Variants in PDZD2 observed in about 807,000 individuals in gnomAD.
The protein encoded by PDZD2 is PDZ domain-containing protein 2.
PDZD2 carries 90 observed loss-of-function variants against 220.7 expected under a neutral mutation model. The observed-to-expected ratio is 0.41, with a 90% CI of 0.34 to 0.49. PDZD2 has a LOEUF of 0.49. PDZD2 is among the 20% of genes least tolerant of loss of function. The pLI, the probability that PDZD2 is intolerant of heterozygous loss-of-function variation, is 0.28. For missense variants in PDZD2, 3,174 were observed against 3,608.5 expected (o/e 0.88, Z 3.08); for synonymous variants, 1,375 against 1,450.5 (o/e 0.95, Z 1.18).
intron 2 of PDZD2, among the ~76,000 whole-genome samples, chr5:31,870,029 A>G (rs1275923887): frequency 3.3e-5 from 5 of 152,190 alleles, no homozygotes; most frequent in African/African-American, 9.7e-5. Context: ...ACAGAAAGCC[A>G]CTGACCCTGC....
At chr5:31,774,113 C>T (rs1166724487) in intron 1 of PDZD2, among the ~76,000 whole-genome samples, 1 of 151,996 alleles carries the variant, frequency 6.6e-6, no homozygotes, top group Non-Finnish European at 1.5e-5. Context: ...GCCAGCTCAC[C>T]CCAGCCCTAA....
chr5:32,099,544 C>T (rs948058350), intron 23 of PDZD2: 1 of 152,244 alleles, frequency 6.6e-6, no homozygotes, highest in African/African-American at 2.4e-5. Flanking sequence ...ATTTCACTTT[C>T]CCTCTTCCAG....
intron 2 of PDZD2, among the ~76,000 whole-genome samples, chr5:31,947,655 A>T (rs542310712): frequency 5.3e-5 from 8 of 152,292 alleles, no homozygotes; most frequent in African/African-American, 1.7e-4. Flanking sequence ...AAAATTTTTT[A>T]AAAATGCAAA....
intron 3 of PDZD2, among the ~76,000 whole-genome samples, chr5:31,985,443 C>G (rs1229810482): frequency 1.3e-5 from 2 of 152,154 alleles, no homozygotes; most frequent in Non-Finnish European, 2.9e-5. Context: ...GCCTGTAATC[C>G]CAGCACTGTG....
chr5:31,776,378 G>A (rs1752644054), intron 1 of PDZD2, among the ~76,000 whole-genome samples: 1 of 152,062 alleles, frequency 6.6e-6, no homozygotes, highest in Non-Finnish European at 1.5e-5. Context: ...CTGCCTCCCT[G>A]CCCTGTGGTC....
chr5:32,041,306 C>T (rs1478681414), intron 7 of PDZD2, among the ~76,000 whole-genome samples: 4 of 151,856 alleles, frequency 2.6e-5, no homozygotes, highest in Non-Finnish European at 5.9e-5. Context: ...CATCTCTGCC[C>T]GGCTGCCCCA....
At chr5:31,875,991 A>G (rs1466030292) in intron 2 of PDZD2, among the ~76,000 whole-genome samples, 1 of 152,096 alleles carries the variant, frequency 6.6e-6, no homozygotes, top group Non-Finnish European at 1.5e-5. Context: ...CAAGTTTCCT[A>G]AAAATTCTTG....
rs116266279 is a variant in PDZD2, at chr5:31,868,473, C to T, written c.476+68749C>T. 2.0e-3 allele frequency among the ~76,000 whole-genome samples: 300 copies of T among 152,138 alleles called. 2 individuals are homozygous for T. Among genetic ancestry groups the T allele is most frequent in the African/African-American group, 6.7e-3 (277 of 41,518 alleles). On this transcript the variant is annotated intron_variant, in intron 2 of 24. Transcript: ENST00000438447. ...AATAAATAAATAAATGCAGCTGTCC[C>T]GCGTGAGTTTGGGAAAAGCTAGTTA...
intron 2 of PDZD2, among the ~76,000 whole-genome samples, chr5:31,812,039 A>T (rs7735550): frequency 0.025 from 2,893 of 113,976 alleles, 44 homozygotes; most frequent in Non-Finnish European, 0.033. Context: ...AATAAATAAA[A>T]ATTCAAGCTC....
chr5:32,039,742 G>A (rs1755885135), intron 7 of PDZD2, among the ~76,000 whole-genome samples: 1 of 142,424 alleles, frequency 7.0e-6, no homozygotes, highest in Admixed American at 6.9e-5. Context: ...GAGTGCCTCT[G>A]CCCGGCCGCC....
At chr5:31,694,979 C>T (rs1747317738) in intron 1 of PDZD2, among the ~76,000 whole-genome samples, 1 of 151,918 alleles carries the variant, frequency 6.6e-6, no homozygotes, top group African/African-American at 2.4e-5. Flanking sequence ...CAAAAATTAG[C>T]CAGGCGTGGT....
intron 2 of PDZD2, among the ~76,000 whole-genome samples, chr5:31,937,094 T>G (rs1745812153): frequency 1.3e-5 from 2 of 152,192 alleles, no homozygotes; most frequent in Admixed American, 6.5e-5. Context: ...TTCCCATGAT[T>G]GTAGCCGAGT....
At chr5:32,076,953 T>C (rs989306341) in intron 18 of PDZD2, among the ~76,000 whole-genome samples, 1 of 152,250 alleles carries the variant, frequency 6.6e-6, no homozygotes, top group Non-Finnish European at 1.5e-5. Context: ...TGAAGCTGAT[T>C]TAACTGTTAG....
chr5:31,869,310 C>T (rs1449429494), intron 2 of PDZD2, among the ~76,000 whole-genome samples: 1 of 152,180 alleles, frequency 6.6e-6, no homozygotes, highest in Non-Finnish European at 1.5e-5. Context: ...TCCTCTTCTT[C>T]CTGACTCACT....
rs565172501 is a variant in PDZD2 at position 31,756,360 on chromosome 5, T to C, written c.-360-42529T>C. On this transcript the variant is annotated intron_variant, in intron 1 of 24. Coordinates refer to ENST00000438447, the MANE Select transcript of PDZD2 (RefSeq NM_178140.4). ...AGGATAAGGACCATTTCTAGTTTGT[T>C]CAGCACCACATTCCCAGCACTACCA... is the stretch of plus-strand genomic sequence containing the variant. Among the ~76,000 whole-genome samples the C allele has an allele frequency of 7.9e-5, 12 of 152,344 alleles. No individual in the cohort carries two copies. In the South Asian group the frequency reaches 2.5e-3, roughly 32 times the overall value.
At chr5:32,010,195 C>G in intron 5 of PDZD2, 135 bp from the exon 6 acceptor site, 1 of 621,590 alleles carries the variant, frequency 1.6e-6, no homozygotes, top group Non-Finnish European at 2.8e-6. Flanking sequence ...TTGAGGTAAC[C>G]TTGCAGACAC....
intron 1 of PDZD2, among the ~76,000 whole-genome samples, chr5:31,659,318 G>A (rs536609091): frequency 6.6e-6 from 1 of 151,968 alleles, no homozygotes; most frequent in Admixed American, 6.6e-5. Flanking sequence ...TTCAACTTCA[G>A]TCACCACCTA....
chr5:31,953,660 A>ATT (rs34296923), intron 2 of PDZD2, among the ~76,000 whole-genome samples: 19 of 138,574 alleles, frequency 1.4e-4, no homozygotes, highest in East Asian at 8.8e-4. Flanking sequence ...TAAAAAAAAA[A>ATT]TTTTTTTTTT....
intron 2 of PDZD2, among the ~76,000 whole-genome samples, chr5:31,924,951 G>C (rs1345094670): frequency 6.6e-6 from 1 of 152,212 alleles, no homozygotes; most frequent in Non-Finnish European, 1.5e-5. Context: ...ATAAGTTCAA[G>C]TCCTGGTGGA....
Sources: gnomAD v4.1 joint callset for allele counts (sites outside exome capture counted in the v4.1 genomes callset) on GRCh38, gnomAD v4.1.1 for gene constraint, MANE v1.5 for transcripts, NCBI Gene and HGNC (gene_info 2026-07-23, HGNC 2026-07-21) for gene names.